The following PLCB1 variants were observed in gnomAD, a reference collection of about 807,000 sequenced individuals.
PLCB1 encodes the protein phospholipase C beta 1.
Under a neutral mutation model 161.8 loss-of-function variants are expected in PLCB1, and 46 were observed. The ratio of observed to expected loss-of-function variants is 0.28; its 90% CI spans 0.22 to 0.36. The LOEUF (loss-of-function observed/expected upper bound fraction) is 0.36, where lower values mean the gene tolerates loss of function less well. Ranked by LOEUF, PLCB1 falls within the 10% of genes least tolerant of loss-of-function variation. The pLI is 1.00. For missense variants in PLCB1, 1,016 were observed against 1,472.5 expected (o/e 0.69, Z 5.07); for synonymous variants, 517 against 503.7 (o/e 1.03, Z -0.35).
intron 4 of PLCB1, among the ~76,000 whole-genome samples, chr20:8,629,963 CTTCTTTCTTTCT>C (rs201039269): frequency 0.085 from 9,450 of 111,002 alleles, 486 homozygotes; most frequent in East Asian, 0.2. Context: ...TTCTTTCTTT[CTTCTTTCTTTCT>C]TTCTTTCTTT....
intron 2 of PLCB1, among the ~76,000 whole-genome samples, chr20:8,277,462 T>C (rs1389508387): frequency 6.6e-6 from 1 of 152,118 alleles, no homozygotes; most frequent in Admixed American, 6.6e-5. Context: ...TACTCTAAGA[T>C]ATTTCTATAT....
rs539267516 is a variant in PLCB1, at chr20:8,322,454, G to T, written c.178-48928G>T. 1.0e-3 allele frequency among the ~76,000 whole-genome samples: 152 copies of T among 151,888 alleles called. 1 individual carries two copies. Among genetic ancestry groups the T allele is most frequent in the South Asian group, 1.7e-3 (8 of 4,810 alleles). ...TCAAGTATTTTATACACCAGCTAAG[G>T]AGTAAAGTGTAAAATTTTTAAAAAA... is the stretch of plus-strand genomic sequence containing the variant. On this transcript the variant is annotated intron_variant, in intron 2 of 31. Coordinates refer to ENST00000338037, the MANE Select transcript of PLCB1 (RefSeq NM_015192.4).
intron 2 of PLCB1, among the ~76,000 whole-genome samples, chr20:8,293,992 T>C (rs182331190): frequency 6.6e-5 from 10 of 152,264 alleles, no homozygotes; most frequent in African/African-American, 2.4e-4. Flanking sequence ...GGACGTCTTG[T>C]GCAATTGTTC....
At chr20:8,135,876 A>G (rs184447681) in intron 1 of PLCB1, among the ~76,000 whole-genome samples, 78 of 152,276 alleles carry the variant, frequency 5.1e-4, no homozygotes, top group African/African-American at 1.8e-3. Flanking sequence ...CTGGTGAGGT[A>G]GACAGTGGAA....
At chr20:8,487,247 C>A (rs1197993366) in intron 3 of PLCB1, among the ~76,000 whole-genome samples, 9 of 152,158 alleles carry the variant, frequency 5.9e-5, no homozygotes, top group Non-Finnish European at 1.3e-4. Flanking sequence ...GAGTAAAATA[C>A]TTCTGCAAGA....
At chr20:8,794,546 C>T (rs1256336209) in intron 31 of PLCB1, among the ~76,000 whole-genome samples, 7 of 152,132 alleles carry the variant, frequency 4.6e-5, no homozygotes, top group Non-Finnish European at 7.4e-5. Flanking sequence ...GGCTACATGA[C>T]ATCATATTTC....
intron 31 of PLCB1, among the ~76,000 whole-genome samples, chr20:8,825,363 G>C (rs543044505): frequency 6.6e-6 from 1 of 152,350 alleles, no homozygotes; most frequent in Admixed American, 6.5e-5. Context: ...CTTGGAGCAA[G>C]TGATATTTGA....
At chr20:8,772,472 C>G (rs934042613) in intron 26 of PLCB1, among the ~76,000 whole-genome samples, 12 of 152,246 alleles carry the variant, frequency 7.9e-5, no homozygotes, top group Admixed American at 3.3e-4. Flanking sequence ...CTCACAGAGC[C>G]GTGGTTTCCT....
intron 3 of PLCB1, among the ~76,000 whole-genome samples, chr20:8,409,653 G>A (rs959551405): frequency 2.0e-5 from 3 of 151,758 alleles, no homozygotes; most frequent in African/African-American, 7.3e-5. Context: ...AGTAGAGATC[G>A]GGTTTCACCA....
At chr20:8,730,972 T>C (rs971682279) in intron 18 of PLCB1, among the ~76,000 whole-genome samples, 7 of 151,896 alleles carry the variant, frequency 4.6e-5, no homozygotes. Context: ...TTGGAATTTT[T>C]AGACACACAA....
At chr20:8,426,279 TA>T (rs1199086199) in intron 3 of PLCB1, among the ~76,000 whole-genome samples, 1 of 152,076 alleles carries the variant, frequency 6.6e-6, no homozygotes, top group African/African-American at 2.4e-5. Context: ...ATCATAATCC[TA>T]AAAGAAAAAA....
At chr20:8,449,426 C>A (rs936831805) in intron 3 of PLCB1, among the ~76,000 whole-genome samples, 2 of 152,166 alleles carry the variant, frequency 1.3e-5, no homozygotes, top group South Asian at 2.1e-4. Flanking sequence ...TCGCTAGTGT[C>A]CCGCTTCCTT....
At chr20:8,757,221 C>G (rs751665374) in intron 24 of PLCB1, 43 bp downstream of exon 24, 2 of 1,564,246 alleles carry the variant, frequency 1.3e-6, no homozygotes, top group Non-Finnish European at 1.7e-6. Context: ...GCAAGATCCT[C>G]CAGTTCATTA....
chr20:8,522,806 TAGG>T (rs957079346), intron 3 of PLCB1, among the ~76,000 whole-genome samples: 48 of 152,296 alleles, frequency 3.2e-4, no homozygotes, highest in African/African-American at 1.2e-3. Flanking sequence ...ATTTCAAACA[TAGG>T]AGGATAATTA....
chr20:8,866,674 A>AC (rs1162833739), intron 31 of PLCB1, among the ~76,000 whole-genome samples: 2 of 152,104 alleles, frequency 1.3e-5, no homozygotes, highest in African/African-American at 2.4e-5. Flanking sequence ...GTCTGTAACC[A>AC]CCCAGCTCCT....
intron 3 of PLCB1, among the ~76,000 whole-genome samples, chr20:8,615,440 A>G (rs1394809108): frequency 1.3e-5 from 2 of 152,156 alleles, no homozygotes; most frequent in East Asian, 1.9e-4. Flanking sequence ...TTAGAAATCA[A>G]TGTTTTTGAT....
intron 3 of PLCB1, among the ~76,000 whole-genome samples, chr20:8,418,220 A>G (rs1408087047): frequency 6.6e-6 from 1 of 152,232 alleles, no homozygotes; most frequent in Non-Finnish European, 1.5e-5. Flanking sequence ...TGCAACAGCA[A>G]CAATCTTCAG....
In PLCB1 at chr20:8,788,664, A is replaced by T; in HGVS notation, c.3220A>T (p.Lys1074Ter). Residue 1074 changes from lysine (K) to a stop codon, truncating the protein, a stop_gained, in exon 29 of 32, where the codon AAA (lysine) becomes TAA (stop). Transcript: ENST00000338037. LOFTEE classifies it high-confidence loss of function. ...EKKELKKKMD[K>*]KRQEKITEAK... ...GAAAGAATTAAAGAAGAAAATGGAT[A>T]AAAAGAGGCAGGAGAAGATAACAGA... The T allele has an allele frequency of 6.2e-7, 1 of 1,611,096 alleles. No homozygotes were observed. Among genetic ancestry groups the T allele is most frequent in the Non-Finnish European group, 8.5e-7 (1 of 1,178,674 alleles).
At chr20:8,601,239 GT>G (rs1255867905) in intron 3 of PLCB1, among the ~76,000 whole-genome samples, 1 of 152,192 alleles carries the variant, frequency 6.6e-6, no homozygotes, top group African/African-American at 2.4e-5. Flanking sequence ...TTTATTTTAA[GT>G]TCAGGGGTAT....
Sources: gnomAD v4.1 joint callset for allele counts (sites outside exome capture counted in the v4.1 genomes callset) on GRCh38, gnomAD v4.1.1 for gene constraint, MANE v1.5 for transcripts, NCBI Gene and HGNC (gene_info 2026-07-23, HGNC 2026-07-21) for gene names.